Variants in NRG1 observed in about 807,000 individuals in gnomAD.
The protein encoded by NRG1 is neuregulin 1, also known as pro-neuregulin-1, membrane-bound isoform.
NRG1 carries 18 observed loss-of-function variants against 63.8 expected under a neutral mutation model. That is an observed-to-expected ratio of 0.28 (90% CI 0.19 to 0.42). The LOEUF is 0.42. Ranked by LOEUF, NRG1 falls within the 10% of genes least tolerant of loss-of-function variation. NRG1 has a pLI of 1.00. For missense variants in NRG1, 762 were observed against 814.7 expected (o/e 0.94, Z 0.79); for synonymous variants, 302 against 301.3 (o/e 1.00, Z -0.02).
chr8:32,424,967 T>C (rs1257361169), intron 1 of NRG1, among the ~76,000 whole-genome samples: 1 of 152,176 alleles, frequency 6.6e-6, no homozygotes, highest in Non-Finnish European at 1.5e-5. Context: ...CTAGAAGATG[T>C]AGTAAAGATA....
intron 1 of NRG1, among the ~76,000 whole-genome samples, chr8:32,493,972 G>A (rs922895956): frequency 6.6e-6 from 1 of 152,062 alleles, no homozygotes; most frequent in East Asian, 1.9e-4. Flanking sequence ...AATGAAAAAG[G>A]AAACACAAAA....
chr8:31,811,875 G>T (rs1041803760), intron 1 of NRG1, among the ~76,000 whole-genome samples: 4 of 152,120 alleles, frequency 2.6e-5, no homozygotes, highest in Admixed American at 2.6e-4. Flanking sequence ...TGTTTTTCTT[G>T]TTGTGTTAAT....
At chr8:32,542,765 A>AC (rs910366193) in intron 1 of NRG1, among the ~76,000 whole-genome samples, 1 of 152,192 alleles carries the variant, frequency 6.6e-6, no homozygotes, top group Non-Finnish European at 1.5e-5. Context: ...ACTGGATTAA[A>AC]TTTGCATTTC....
intron 3 of NRG1, among the ~76,000 whole-genome samples, chr8:32,609,548 C>CTTCCT (rs1563760108): frequency 7.7e-6 from 1 of 130,614 alleles, no homozygotes; most frequent in Non-Finnish European, 1.6e-5. Context: ...ATTTCCTTCC[C>CTTCCT]TCCCTCCTTC....
chr8:31,990,704 T>A (rs1229113733), intron 1 of NRG1, among the ~76,000 whole-genome samples: 2 of 152,162 alleles, frequency 1.3e-5, no homozygotes, highest in Non-Finnish European at 2.9e-5. Flanking sequence ...TCAAGTGGCA[T>A]CCCTTTTCTT....
At chr8:31,771,182 C>T (rs1301478301) in intron 1 of NRG1, among the ~76,000 whole-genome samples, 1 of 152,140 alleles carries the variant, frequency 6.6e-6, no homozygotes, top group African/African-American at 2.4e-5. Context: ...TGCCTGGCAG[C>T]CACTAATCTC....
At chr8:32,005,195 A>T (rs1813573146) in intron 1 of NRG1, among the ~76,000 whole-genome samples, 1 of 151,782 alleles carries the variant, frequency 6.6e-6, no homozygotes, top group African/African-American at 2.4e-5. Context: ...GAATGATGAG[A>T]AGGATGGGTA....
rs139669495 is a variant in NRG1, at chr8:32,046,734, T to C, written c.37+407303T>C. On this transcript the variant is annotated intron_variant, in intron 1 of 10. Transcript: ENST00000519301. ...ATAGAATTTCAACAAGGCAGAGTTA[T>C]GGTGGAACGAAATCAGTGAGTGCCA... Among the ~76,000 whole-genome samples the C allele has an allele frequency of 9.9e-3, 1,510 of 152,036 alleles. 23 individuals are homozygous for C. Among genetic ancestry groups the C allele is most frequent in the African/African-American group, 0.035 (1,456 of 41,514 alleles).
chr8:32,368,972 G>C (rs1450424889), intron 1 of NRG1, among the ~76,000 whole-genome samples: 3 of 152,108 alleles, frequency 2.0e-5, no homozygotes, highest in East Asian at 3.9e-4. Context: ...TACACCTACT[G>C]CATGCATATG....
intron 1 of NRG1, among the ~76,000 whole-genome samples, chr8:32,412,399 C>CT (rs143505674): frequency 1.1e-5 from 1 of 93,034 alleles, no homozygotes; most frequent in Non-Finnish European, 2.1e-5. Flanking sequence ...CTCTCTCTCT[C>CT]CTCTCTCTCT....
intron 1 of NRG1, among the ~76,000 whole-genome samples, chr8:32,005,551 TTTAAA>T (rs1380030055): frequency 7.2e-5 from 11 of 151,994 alleles, no homozygotes; most frequent in African/African-American, 2.7e-4. Context: ...TAACTACTAG[TTTAAA>T]ATATTGCCAT....
intron 1 of NRG1, among the ~76,000 whole-genome samples, chr8:32,279,345 G>A (rs1852447229): frequency 6.6e-6 from 1 of 152,058 alleles, no homozygotes; most frequent in South Asian, 2.1e-4. Flanking sequence ...GGCTCAAAAA[G>A]TTGTTTTTTT....
At chr8:32,436,208 A>G (rs1045422018) in intron 1 of NRG1, among the ~76,000 whole-genome samples, 1 of 152,160 alleles carries the variant, frequency 6.6e-6, no homozygotes, top group Non-Finnish European at 1.5e-5. Flanking sequence ...AAAAGGGAAA[A>G]CACCTTATAA....
chr8:32,145,918 A>G (rs1007207668), intron 1 of NRG1, among the ~76,000 whole-genome samples: 14 of 152,064 alleles, frequency 9.2e-5, no homozygotes, highest in African/African-American at 3.4e-4. Context: ...GATGCCGCAT[A>G]CTCTCCTAGT....
At chr8:32,048,649 G>C (rs928930351) in intron 1 of NRG1, among the ~76,000 whole-genome samples, 6 of 151,386 alleles carry the variant, frequency 4.0e-5, no homozygotes, top group African/African-American at 1.5e-4. Flanking sequence ...TTGTCTTTTT[G>C]GTAAAAGCCA....
chr8:31,928,666 A>ACG (rs1461397792), intron 1 of NRG1, among the ~76,000 whole-genome samples: 1 of 151,874 alleles, frequency 6.6e-6, no homozygotes, highest in Non-Finnish European at 1.5e-5. Context: ...ACACACACAC[A>ACG]CACACCATGA....
At chr8:32,129,947 C>T (rs747820824) in intron 1 of NRG1, among the ~76,000 whole-genome samples, 8 of 151,918 alleles carry the variant, frequency 5.3e-5, no homozygotes, top group Non-Finnish European at 8.8e-5. Context: ...CAAGAAATTA[C>T]TGCTTTGCTA....
At chr8:32,508,973 G>A (rs910374903) in intron 1 of NRG1, among the ~76,000 whole-genome samples, 11 of 151,956 alleles carry the variant, frequency 7.2e-5, no homozygotes, top group Admixed American at 3.3e-4. Flanking sequence ...GACCTCAAAC[G>A]ATTTACCCAC....
upstream of NRG1, among the ~76,000 whole-genome samples, chr8:32,546,422 T>C (rs1833076189): frequency 6.6e-6 from 1 of 152,168 alleles, no homozygotes; most frequent in South Asian, 2.1e-4. Flanking sequence ...TGGTAGTGTA[T>C]ACTAAGCCCT....
Sources: gnomAD v4.1 joint callset for allele counts (sites outside exome capture counted in the v4.1 genomes callset) on GRCh38, gnomAD v4.1.1 for gene constraint, MANE v1.5 for transcripts, NCBI Gene and HGNC (gene_info 2026-07-23, HGNC 2026-07-21) for gene names.